Variants in CATSPER3 observed in about 807,000 individuals in gnomAD.
CATSPER3 encodes the protein cation channel sperm-associated protein 3.
A neutral mutation model predicts 36.6 loss-of-function variants in CATSPER3; 23 were observed. That is an observed-to-expected ratio of 0.63 (90% CI 0.45 to 0.89). The LOEUF (loss-of-function observed/expected upper bound fraction) is 0.89, where lower values mean the gene tolerates loss of function less well. Among genes scored for constraint, CATSPER3 ranks in the 40% least tolerant of loss-of-function variants. The pLI is 0.00. For missense variants in CATSPER3, 474 were observed against 503.9 expected (o/e 0.94, Z 0.57); for synonymous variants, 172 against 184.1 (o/e 0.93, Z 0.53).
At chr5:135,000,034 C>T (rs910027134) in intron 3 of CATSPER3, among the ~76,000 whole-genome samples, 8 of 152,238 alleles carry the variant, frequency 5.3e-5, no homozygotes, top group African/African-American at 1.4e-4. Context: ...AGTATGGTAT[C>T]GGCTGTGGAT....
chr5:134,996,220 C>A, intron 2 of CATSPER3, 53 bp from the exon 3 acceptor site: 1 of 1,613,500 alleles, frequency 6.2e-7, no homozygotes, highest in Non-Finnish European at 8.5e-7. Flanking sequence ...CAGGCCAGAG[C>A]TCTAGGGCTG....
In CATSPER3 at chr5:134,996,475, G is replaced by T. The variant is rs762834732; in HGVS notation, c.455G>T (p.Arg152Leu). 1 of 1,614,150 alleles carries T rather than the reference G, an allele frequency of 6.2e-7. No homozygotes were observed. The highest frequency in any genetic ancestry group is 8.5e-7 in the Non-Finnish European group (1 of 1,180,012). The change falls in exon 3 of 8, where the codon CGC (arginine) becomes CTC (leucine). Residue 152 changes from arginine (R) to leucine (L), a missense_variant. By Grantham distance (102) the Arg-to-Leu change is moderately radical. Coordinates refer to ENST00000282611, the MANE Select transcript of CATSPER3 (RefSeq NM_178019.3). The stretch of plus-strand genomic sequence containing the variant: ...ATCGCTGATGGCATGCAGTCCCTGC[G>T]CATCCTCAAGCTTATCGGCTATAGC... ...LYIADGMQSL[R>L]ILKLIGYSQG...
At chr5:134,989,545 A>G (rs1159651863) in intron 2 of CATSPER3, among the ~76,000 whole-genome samples, 1 of 152,206 alleles carries the variant, frequency 6.6e-6, no homozygotes, top group Non-Finnish European at 1.5e-5. Context: ...TATTTTCTCA[A>G]ACCTCAAGAA....
chr5:134,980,364 T>C (rs1337024784), intron 2 of CATSPER3, among the ~76,000 whole-genome samples: 1 of 134,858 alleles, frequency 7.4e-6, no homozygotes, highest in East Asian at 2.5e-4. Context: ...CTCCCTCCTC[T>C]CTTCCTTCCT....
intron 3 of CATSPER3, among the ~76,000 whole-genome samples, chr5:135,005,316 A>C (rs1752072792): frequency 6.6e-6 from 1 of 152,182 alleles, no homozygotes; most frequent in Non-Finnish European, 1.5e-5. Flanking sequence ...CTGGGCATGC[A>C]GAGGCAACAG....
chr5:134,996,963 G>A (rs1036654910), intron 3 of CATSPER3, among the ~76,000 whole-genome samples: 6 of 152,224 alleles, frequency 3.9e-5, no homozygotes, highest in Non-Finnish European at 5.9e-5. Flanking sequence ...TCTGTGCTTC[G>A]TTAAGGTGGC....
At chr5:134,979,949 A>ACCCTTCCCTCCCTCCTTTCCTC (rs1751730187) in intron 2 of CATSPER3, among the ~76,000 whole-genome samples, 1 of 15,012 alleles carries the variant, frequency 6.7e-5, no homozygotes, top group Admixed American at 6.7e-4. Context: ...CTCATTTCCC[A>ACCCTTCCCTCCCTCCTTTCCTC]CCCTTCCCTC....
chr5:135,006,754 C>T (rs1186165089), intron 3 of CATSPER3, among the ~76,000 whole-genome samples: 1 of 149,452 alleles, frequency 6.7e-6, no homozygotes, highest in East Asian at 2.0e-4. Flanking sequence ...AGGAGAATGG[C>T]ATGAACCCGG....
At chr5:134,973,022 A>G (rs958455733) in intron 2 of CATSPER3, among the ~76,000 whole-genome samples, 1 of 152,186 alleles carries the variant, frequency 6.6e-6, no homozygotes, top group Non-Finnish European at 1.5e-5. Context: ...GTAAACCAAG[A>G]ATTTTAGATC....
At chr5:134,968,281 T>G in intron 1 of CATSPER3, 192 bp downstream of exon 1, 1 of 594,596 alleles carries the variant, frequency 1.7e-6, no homozygotes, top group South Asian at 1.9e-5. Flanking sequence ...CCCTGTAGAC[T>G]TGAATGACCA....
chr5:135,005,677 C>T (rs543001496), intron 3 of CATSPER3, among the ~76,000 whole-genome samples: 1 of 152,356 alleles, frequency 6.6e-6, no homozygotes, highest in South Asian at 2.1e-4. Flanking sequence ...GCTCCTGACC[C>T]CTGATTAATT....
chr5:134,995,511 C>T (rs1290702748), intron 2 of CATSPER3: 1 of 153,222 alleles, frequency 6.5e-6, no homozygotes. Context: ...ACATTATATT[C>T]TATATACATT....
intron 2 of CATSPER3, among the ~76,000 whole-genome samples, chr5:134,971,344 C>T (rs941046377): frequency 1.8e-4 from 27 of 151,928 alleles, no homozygotes; most frequent in Non-Finnish European, 5.9e-5. Context: ...TTGCTTGAGC[C>T]TGGGAGTTCG....
intron 2 of CATSPER3, among the ~76,000 whole-genome samples, chr5:134,991,118 C>T (rs1751873542): frequency 6.6e-6 from 1 of 152,246 alleles, no homozygotes; most frequent in South Asian, 2.1e-4. Context: ...AACTATAAAA[C>T]ATTGCTGAAA....
chr5:134,992,208 A>G (rs10066958), intron 2 of CATSPER3, among the ~76,000 whole-genome samples: 2,356 of 152,290 alleles, frequency 0.015, 68 homozygotes, highest in African/African-American at 0.054. Context: ...GATATCTAGA[A>G]TATATAAAGA....
At chr5:134,994,282 G>T (rs1751917712) in intron 2 of CATSPER3, among the ~76,000 whole-genome samples, 1 of 151,962 alleles carries the variant, frequency 6.6e-6, no homozygotes, top group South Asian at 2.1e-4. Context: ...CAGAAAATTT[G>T]GCAAAAGATT....
chr5:134,969,561 A>G (rs1398672944), intron 1 of CATSPER3: 2 of 288,222 alleles, frequency 6.9e-6, no homozygotes, highest in Non-Finnish European at 1.3e-5. Context: ...TTTGCTTAGT[A>G]GACTGGCAAT....
At chr5:135,000,306 G>T (rs1399482718) in intron 3 of CATSPER3, among the ~76,000 whole-genome samples, 1 of 152,228 alleles carries the variant, frequency 6.6e-6, no homozygotes, top group Non-Finnish European at 1.5e-5. Context: ...TTGATGTGCT[G>T]CTGGATTCGG....
intron 5 of CATSPER3, 61 bp downstream of exon 5, chr5:135,009,042 C>A: frequency 6.2e-7 from 1 of 1,610,920 alleles, no homozygotes; most frequent in Non-Finnish European, 8.5e-7. Flanking sequence ...AGCTGTAGGG[C>A]AAGTCTCCAG....
Sources: gnomAD v4.1 joint callset for allele counts (sites outside exome capture counted in the v4.1 genomes callset) on GRCh38, gnomAD v4.1.1 for gene constraint, MANE v1.5 for transcripts, NCBI Gene and HGNC (gene_info 2026-07-23, HGNC 2026-07-21) for gene names.